The following PIK3C2B variants were observed in gnomAD, a reference collection of about 807,000 sequenced individuals.
PIK3C2B encodes the protein phosphatidylinositol-4-phosphate 3-kinase catalytic subunit type 2 beta.
Under a neutral mutation model 184.3 loss-of-function variants are expected in PIK3C2B, and 83 were observed. The observed-to-expected ratio is 0.45, with a 90% confidence interval of 0.38 to 0.54. The LOEUF (loss-of-function observed/expected upper bound fraction) is 0.54. PIK3C2B is among the 20% of genes least tolerant of loss of function. The probability of loss-of-function intolerance (pLI) is 0.00; values close to 1 mark genes in which losing one functional copy is unlikely to be tolerated. For synonymous variants in PIK3C2B, 779 were observed against 837.6 expected, an observed-to-expected ratio of 0.93 and a Z score of 1.21; for missense variants, 1,736 against 2,113.5, an observed-to-expected ratio of 0.82 and a Z score of 3.50.
chr1:204,432,042 C>T (rs1280100664), intron 27 of PIK3C2B, among the ~76,000 whole-genome samples, 158 bp downstream of exon 27: 1 of 152,132 alleles, frequency 6.6e-6, no homozygotes, highest in African/African-American at 2.4e-5. Flanking sequence ...AGGCAGATCA[C>T]GTGAGCAAAG....
At chr1:204,440,107 AGGACAC>A in intron 22 of PIK3C2B, 79 bp downstream of exon 22, 1 of 1,384,584 alleles carries the variant, frequency 7.2e-7, no homozygotes, top group East Asian at 2.5e-5. Flanking sequence ...TTCCTGGAGG[AGGACAC>A]AGTTTGTGTT....
At chr1:204,451,136 C>T (rs988467799) in intron 12 of PIK3C2B, among the ~76,000 whole-genome samples, 5 of 152,246 alleles carry the variant, frequency 3.3e-5, no homozygotes, top group Non-Finnish European at 7.3e-5. Context: ...CTCCAGCAGC[C>T]AGCAGACATG....
intron 29 of PIK3C2B, among the ~76,000 whole-genome samples, 194 bp from the exon 30 acceptor site, chr1:204,428,414 G>C (rs1275446408): frequency 1.3e-5 from 2 of 152,186 alleles, no homozygotes; most frequent in Non-Finnish European, 2.9e-5. Context: ...TTTGAATATG[G>C]ACTATGGACT....
At chr1:204,426,837 A>G (rs1022135417) in intron 31 of PIK3C2B, among the ~76,000 whole-genome samples, 5 of 152,224 alleles carry the variant, frequency 3.3e-5, no homozygotes, top group Non-Finnish European at 7.3e-5. Context: ...CAATGCAAGT[A>G]TTCAAGTTCC....
chr1:204,435,276 G>A (rs1675281422), intron 23 of PIK3C2B: 1 of 152,128 alleles, frequency 6.6e-6, no homozygotes, highest in Admixed American at 6.5e-5. Context: ...GAGGAGTGGT[G>A]AGGGGTTGAC....
At chr1:204,425,568 G>T (rs564701419) in intron 32 of PIK3C2B, 45 bp downstream of exon 32, 1 of 1,601,356 alleles carries the variant, frequency 6.2e-7, no homozygotes, top group Non-Finnish European at 8.6e-7. Context: ...GAGAACAGGC[G>T]CAGGTTGCCA....
In PIK3C2B at chr1:204,424,615, C is replaced by A. The variant is rs762590523; in HGVS notation, c.*237G>T. On this transcript the variant is annotated 3_prime_UTR_variant, in exon 33 of 33. Coordinates refer to ENST00000684373, the MANE Select transcript of PIK3C2B (RefSeq NM_001377334.1). ...GGTAAACTTAAAACTTTGCTGCAAC[C>A]TCACAGCCTCCAAGGGGCTGCTCAT... 1.4e-6 allele frequency: 1 copy of A among 709,406 alleles called. No individual in the cohort carries two copies. Among genetic ancestry groups the A allele is most frequent in the Non-Finnish European group, 2.6e-6 (1 of 384,004 alleles). The allele number at this position is 709,406 out of a possible 1,614,324, so 43.9% of individuals were successfully genotyped here. A position where few individuals can be genotyped will look rare whatever the true frequency, so the allele number is the denominator to read the frequency against.
rs746489690 is a variant in PIK3C2B at position 204,469,741 on chromosome 1, C to G, written c.62G>C (p.Arg21Pro). The G allele has an allele frequency of 6.2e-7, 1 of 1,613,900 alleles. No homozygotes were observed. Among genetic ancestry groups the G allele is most frequent in the African/African-American group, 1.3e-5 (1 of 74,984 alleles). The change falls in exon 2 of 33, where the codon CGC becomes CCC. Residue 21 changes from arginine to proline, a missense_variant. By Grantham distance (103) the Arg-to-Pro change is moderately radical (BLOSUM62 -2). This residue lies in a region of PIK3C2B where 404 missense variants were observed against 418.0 expected (regional missense o/e 0.97). Coordinates refer to ENST00000684373, the MANE Select transcript of PIK3C2B (RefSeq NM_001377334.1). Reference sequence around the variant, plus strand: ...GGCTTCGGCCATCGCTAGCTCTTTGCGGCTGATGCCCACTGACTCCAGGGA... The same window carrying G: ...GGCTTCGGCCATCGCTAGCTCTTTGGGGCTGATGCCCACTGACTCCAGGGA... ...WKSLESVGIS[R>P]KELAMAEALQ...
chr1:204,430,023 G>A lies in PIK3C2B; in HGVS notation c.4296C>T (p.Phe1432=), dbSNP rs1471518027. ...CCTCTCCCCGGGAGCGGCCGATCAC[G>A]AAGCGACTAGGGAAGCTGGCGTGGC... is the stretch of plus-strand genomic sequence containing the variant. ...SSHLPSFPSR[F]VIGRSRGEAV... Residue 1432 remains phenylalanine, a synonymous_variant, in exon 29 of 33, where the codon TTC becomes TTT. Coordinates refer to ENST00000684373, the MANE Select transcript of PIK3C2B (RefSeq NM_001377334.1). 14 of 1,608,586 alleles carry A rather than the reference G, an allele frequency of 8.7e-6. No homozygotes were observed. In the South Asian group the frequency reaches 1.3e-4, roughly 15 times the overall value.
chr1:204,445,812 G>A, intron 16 of PIK3C2B, 144 bp downstream of exon 16: 1 of 529,096 alleles, frequency 1.9e-6, no homozygotes, highest in Middle Eastern at 4.9e-4. Context: ...GAAAGAAAAA[G>A]CAAAAAGGAG....
chr1:204,491,121 C>T (rs749554497), intron 1 of PIK3C2B, among the ~76,000 whole-genome samples: 1 of 152,180 alleles, frequency 6.6e-6, no homozygotes, highest in Non-Finnish European at 1.5e-5. Context: ...GACATGGTGA[C>T]TCACACCTGT....
chr1:204,460,655 A>G lies in PIK3C2B; in HGVS notation c.1317T>C (p.His439=). 6.2e-7 allele frequency: 1 copy of G among 1,607,830 alleles called. No homozygotes were observed. Among genetic ancestry groups the G allele is most frequent in the Non-Finnish European group, 8.5e-7 (1 of 1,174,220 alleles). Residue 439 remains histidine, a synonymous_variant, in exon 6 of 33, where the codon CAT becomes CAC. Coordinates refer to ENST00000684373, the MANE Select transcript of PIK3C2B (RefSeq NM_001377334.1). ...CGLEEFLQNK[H]ALGSHEYIQY... Reference sequence around the variant, plus strand: ...GGATGTACTCATGACTGCCCAAGGCATGCTTGCTGGTAGGGTAGAGGGACA... The same window carrying G: ...GGATGTACTCATGACTGCCCAAGGCGTGCTTGCTGGTAGGGTAGAGGGACA...
At position 204,457,030 on chromosome 1, in the gene PIK3C2B, C is replaced by T; in HGVS notation, c.1747+7G>A. 6.4e-7 allele frequency: 1 copy of T among 1,565,966 alleles called. No individual in the cohort carries two copies. Reference sequence around the variant, plus strand: ...GACTGGATGAAGATGGAGAGCAGTTCCCTTACCTCGGTTTTCCCTCACAGC... The same window carrying T: ...GACTGGATGAAGATGGAGAGCAGTTTCCTTACCTCGGTTTTCCCTCACAGC... On this transcript the variant is annotated splice_region_variant and intron_variant, in intron 10 of 32. Transcript: ENST00000684373.
At chr1:204,440,674 G>A (rs1391341314) in intron 21 of PIK3C2B, among the ~76,000 whole-genome samples, 4 of 133,336 alleles carry the variant, frequency 3.0e-5, no homozygotes, top group South Asian at 5.1e-4. Context: ...TCAGCTCACC[G>A]CAACCTCCGC....
intron 1 of PIK3C2B, among the ~76,000 whole-genome samples, chr1:204,484,272 T>G (rs1460338686): frequency 6.6e-6 from 1 of 152,242 alleles, no homozygotes; most frequent in East Asian, 1.9e-4. Context: ...ATCATCCTTC[T>G]TTTATGGAAG....
intron 1 of PIK3C2B, among the ~76,000 whole-genome samples, chr1:204,472,640 C>T (rs1048897809): frequency 1.3e-5 from 2 of 151,988 alleles, no homozygotes; most frequent in Non-Finnish European, 2.9e-5. Flanking sequence ...ATTAGCCAGG[C>T]GTGGTGGCAC....
At position 204,464,554 on chromosome 1, in the gene PIK3C2B, C is replaced by T; in HGVS notation, c.1085G>A (p.Trp362Ter). 6.2e-7 allele frequency: 1 copy of T among 1,614,102 alleles called. No homozygotes were observed. Among genetic ancestry groups the T allele is most frequent in the Non-Finnish European group, 8.5e-7 (1 of 1,179,962 alleles). Residue 362 changes from tryptophan to a stop codon, truncating the protein, a stop_gained, in exon 4 of 33, where the codon TGG becomes TAG. Coordinates refer to ENST00000684373, the MANE Select transcript of PIK3C2B (RefSeq NM_001377334.1). LOFTEE classifies it high-confidence loss of function. The part of the protein sequence containing the change: ...IQDYFLTGYV[W>*]SAVTPSPEHL... Reference sequence around the variant, plus strand: ...CTCTGGGCTAGGGGTGACAGCACTCCAGACATAGCCAGTGAGGAAGTAGTC... The same window carrying T: ...CTCTGGGCTAGGGGTGACAGCACTCTAGACATAGCCAGTGAGGAAGTAGTC...
chr1:204,470,199 G>A (rs1656193148), intron 1 of PIK3C2B, among the ~76,000 whole-genome samples: 3 of 141,902 alleles, frequency 2.1e-5, no homozygotes, highest in Admixed American at 7.3e-5. Context: ...ATGGAGTCTC[G>A]CTGTGTCACC....
In PIK3C2B at chr1:204,478,412, A is replaced by G. The variant is rs142241532; in HGVS notation, c.-84-8526T>C. Reference sequence around the variant, plus strand: ...TCCGACTCCTACAGCAGGGAGGTGTATTAAGGTCAAGCAAGCCGGCTCCCC... The same window carrying G: ...TCCGACTCCTACAGCAGGGAGGTGTGTTAAGGTCAAGCAAGCCGGCTCCCC... On this transcript the variant is annotated intron_variant, in intron 1 of 32. Transcript: ENST00000684373. 3.7e-3 allele frequency among the ~76,000 whole-genome samples: 568 copies of G among 152,278 alleles called. 5 individuals are homozygous for G. Among genetic ancestry groups the G allele is most frequent in the African/African-American group, 0.013 (529 of 41,552 alleles).
Sources: gnomAD v4.1 joint callset for allele counts (sites outside exome capture counted in the v4.1 genomes callset) on GRCh38, gnomAD v4.1.1 for gene constraint, gnomAD v4.1.1 regional missense constraint, MANE v1.5 for transcripts, NCBI Gene and HGNC (gene_info 2026-07-23, HGNC 2026-07-21) for gene names.